KMT2E: variants seen among roughly 807,000 people sequenced by gnomAD.
KMT2E encodes histone reader KMT2E.
KMT2E carries 30 observed loss-of-function variants against 184.6 expected under a neutral mutation model. That is an observed-to-expected ratio of 0.16 (90% CI 0.12 to 0.22). The LOEUF is 0.22. Among genes scored for constraint, KMT2E ranks in the 10% least tolerant of loss-of-function variants. The probability of loss-of-function intolerance (pLI) is 1.00; values close to 1 mark genes in which losing one functional copy is unlikely to be tolerated. For synonymous variants in KMT2E, 815 were observed against 776.5 expected, an observed-to-expected ratio of 1.05 and a Z score of -0.82; for missense variants, 2,023 against 2,237.4, an observed-to-expected ratio of 0.90 and a Z score of 1.93.
At chr7:105,111,693 T>C in intron 26 of KMT2E, 132 bp from the exon 27 acceptor site, 1 of 1,064,366 alleles carries the variant, frequency 9.4e-7, no homozygotes. Context: ...CCTCCATAAT[T>C]GACGTATCCA....
At position 105,078,854 on chromosome 7, in the gene KMT2E, C is replaced by A; in HGVS notation, c.1139C>A (p.Pro380His). Residue 380 changes from proline to histidine, a missense_variant, in exon 12 of 27, where the codon CCT becomes CAT. By Grantham distance (77) the Pro-to-His change is moderately conservative. This residue lies in a region of KMT2E where 68 missense variants were observed against 133.1 expected (regional missense o/e 0.51). Transcript: ENST00000311117. ...ANGYFFKRPY[P>H]FVLFYSKFHG... ...TGTTTCTTTCTTTGTAGACCATACC[C>A]TTTTGTGTTATTCTACTCTAAATTT... 1 of 1,562,232 alleles carries A rather than the reference C, an allele frequency of 6.4e-7. No homozygotes were observed. Among genetic ancestry groups the A allele is most frequent in the Non-Finnish European group, 8.8e-7 (1 of 1,133,672 alleles).
intron 6 of KMT2E, among the ~76,000 whole-genome samples, chr7:105,071,606 ATATT>A (rs1307315865): frequency 5.1e-5 from 3 of 58,694 alleles, no homozygotes; most frequent in African/African-American, 7.7e-5. Flanking sequence ...ATATATATAT[ATATT>A]TTTTTTTTTT....
intron 3 of KMT2E, among the ~76,000 whole-genome samples, chr7:105,055,172 A>G (rs1184049141): frequency 1.4e-5 from 2 of 145,354 alleles, no homozygotes; most frequent in Non-Finnish European, 3.0e-5. Context: ...GAGAGAGACA[A>G]CCCATTAGTG....
chr7:105,068,781 C>G (rs1797160691), intron 6 of KMT2E, among the ~76,000 whole-genome samples: 1 of 151,814 alleles, frequency 6.6e-6, no homozygotes, highest in South Asian at 2.1e-4. Flanking sequence ...GGCCATGTCT[C>G]TATGTTAACT....
intron 5 of KMT2E, among the ~76,000 whole-genome samples, chr7:105,064,780 A>AACTT (rs61500056): frequency 0.59 from 89,981 of 151,500 alleles, 28,445 homozygotes; most frequent in East Asian, 0.92. Flanking sequence ...AACTAAAAAT[A>AACTT]CAGTGACACT....
chr7:105,108,969 C>A lies in KMT2E; in HGVS notation c.3496C>A (p.Gln1166Lys). 6.2e-7 allele frequency: 1 copy of A among 1,612,550 alleles called. No individual in the cohort carries two copies. Among genetic ancestry groups the A allele is most frequent in the Non-Finnish European group, 8.5e-7 (1 of 1,178,696 alleles). The change falls in exon 23 of 27, where the codon CAA becomes AAA. Residue 1166 changes from glutamine to lysine, a missense_variant. Physicochemically the swap from Gln to Lys is moderately conservative, Grantham distance 53 (BLOSUM62 1). Coordinates refer to ENST00000311117, the MANE Select transcript of KMT2E (RefSeq NM_182931.3). ...TTCTCTATTAGAATACCGTAAGAGACAACGTGAAGCTAGGAAAAGTGGCTC... is the reference window on the plus strand; with the variant it reads ...TTCTCTATTAGAATACCGTAAGAGAAAACGTGAAGCTAGGAAAAGTGGCTC... ...KVSLLEYRKR[Q>K]REARKSGSKT...
chr7:105,040,033 A>T (rs1262196224), intron 2 of KMT2E, among the ~76,000 whole-genome samples: 4 of 152,186 alleles, frequency 2.6e-5, no homozygotes, highest in African/African-American at 9.6e-5. Context: ...CTACTAATTG[A>T]GTTAGGGAAT....
intron 13 of KMT2E, among the ~76,000 whole-genome samples, chr7:105,085,967 C>T (rs568658841): frequency 1.1e-4 from 17 of 152,222 alleles, no homozygotes; most frequent in African/African-American, 3.4e-4. Flanking sequence ...CCACCACCAC[C>T]GGCCCTTTAA....
chr7:105,065,219 A>G (rs1400981531), intron 5 of KMT2E, among the ~76,000 whole-genome samples: 1 of 152,016 alleles, frequency 6.6e-6, no homozygotes, highest in African/African-American at 2.4e-5. Context: ...ACTTATACTC[A>G]TCTCTTTGAA....
chr7:105,069,911 C>T (rs1391525107), intron 6 of KMT2E, among the ~76,000 whole-genome samples: 1 of 152,106 alleles, frequency 6.6e-6, no homozygotes, highest in East Asian at 1.9e-4. Flanking sequence ...TGAAGTCATA[C>T]ATTTATGACT....
chr7:105,047,954 C>A (rs755149259), intron 3 of KMT2E, among the ~76,000 whole-genome samples: 5 of 152,188 alleles, frequency 3.3e-5, no homozygotes, highest in African/African-American at 4.8e-5. Context: ...TAGCACAAGA[C>A]AATAACTGCT....
chr7:105,087,135 ATT>A (rs1416778130), intron 13 of KMT2E, among the ~76,000 whole-genome samples: 1 of 147,298 alleles, frequency 6.8e-6, no homozygotes, highest in Non-Finnish European at 1.5e-5. Context: ...GCTAATGTAT[ATT>A]ATATATGCTA....
chr7:105,028,137 A>T (rs1471653759), intron 1 of KMT2E, among the ~76,000 whole-genome samples: 1 of 150,868 alleles, frequency 6.6e-6, no homozygotes. Flanking sequence ...TATTTTGCTC[A>T]TTTTTTCCTG....
intron 3 of KMT2E, among the ~76,000 whole-genome samples, chr7:105,048,832 T>A (rs1317873545): frequency 6.6e-6 from 1 of 152,216 alleles, no homozygotes; most frequent in African/African-American, 2.4e-5. Context: ...GCAGGCTGGA[T>A]TTGACCCAGG....
chr7:105,023,402 C>CAAAAAAAAAA lies in KMT2E; in HGVS notation c.-189+8878_-189+8887dup, dbSNP rs1158885663. The stretch of plus-strand genomic sequence containing the variant: ...GGGTGACAAGAGTGAGACTCTGTCT[C>CAAAAAAAAAA]AAAAAAAAAAAAAAAAAAAAGAGAG... On this transcript the variant is annotated intron_variant, in intron 1 of 26. Transcript: ENST00000311117. Among the ~76,000 whole-genome samples the CAAAAAAAAAA allele has an allele frequency of 1.9e-3, 106 of 55,772 alleles. 4 individuals are homozygous for CAAAAAAAAAA. The highest frequency in any genetic ancestry group is 6.3e-3 in the East Asian group (11 of 1,740). 36.6% of individuals were successfully genotyped at this position (55,772 alleles called of 152,430 possible). A position where few individuals can be genotyped will look rare whatever the true frequency, so the allele number is the denominator to read the frequency against.
In KMT2E at chr7:105,113,388, A is replaced by G. The variant is rs748245498; in HGVS notation, c.*55A>G. 9.2e-6 allele frequency: 14 copies of G among 1,523,622 alleles called. No homozygotes were observed. In the Admixed American group the frequency reaches 1.6e-4, roughly 17 times the overall value. 94.4% of individuals were successfully genotyped at this position (1,523,622 alleles called of 1,614,324 possible). A position where few individuals can be genotyped will look rare whatever the true frequency, so the allele number is the denominator to read the frequency against. On this transcript the variant is annotated 3_prime_UTR_variant, in exon 27 of 27. Transcript: ENST00000311117. ...TTCTGTAAGATAAACTGTATATTTC[A>G]TATGTACCTGTTAAGGTACTTTTTA...
At position 105,113,127 on chromosome 7, in the gene KMT2E, A is replaced by T; in HGVS notation, c.5371A>T (p.Thr1791Ser). 4.3e-6 allele frequency: 7 copies of T among 1,614,172 alleles called. No individual in the cohort carries two copies. Among genetic ancestry groups the T allele is most frequent in the Non-Finnish European group, 5.9e-6 (7 of 1,180,024 alleles). Residue 1791 changes from threonine to serine, a missense_variant, in exon 27 of 27, where the codon ACA becomes TCA. Around this residue, in one of 8 missense-constraint regions of KMT2E, gnomAD observed 1,108 missense variants for 1,050.9 expected, o/e 1.05. Transcript: ENST00000311117. ...AGGGCCACATTGTCCATTACCTGTCACAGGTCCTCATCTCCAGCCCCAAGG... is the reference window on the plus strand; with the variant it reads ...AGGGCCACATTGTCCATTACCTGTCTCAGGTCCTCATCTCCAGCCCCAAGG... ...GTGPHCPLPV[T>S]GPHLQPQGPN... is the part of the protein sequence containing the mutation.
chr7:105,062,403 T>G (rs1389142817), intron 4 of KMT2E, 125 bp downstream of exon 4: 1 of 549,256 alleles, frequency 1.8e-6, no homozygotes, highest in Non-Finnish European at 3.1e-6. Flanking sequence ...TCAAAATAAT[T>G]AGGCGTTTAA....
rs1799398595 is a variant in KMT2E at position 105,113,078 on chromosome 7, A to C, written c.5322A>C (p.Gly1774=). The change falls in exon 27 of 27, where the codon GGA becomes GGC. Residue 1774 remains glycine, a synonymous_variant. Coordinates refer to ENST00000311117, the MANE Select transcript of KMT2E (RefSeq NM_182931.3). ...QATHHTTLGP[G]PQHQPSGTGP... Reference sequence around the variant, plus strand: ...CACATCATACCACTTTGGGACCGGGACCCCAGCACCAGCCTTCTGGAACAG... The same window carrying C: ...CACATCATACCACTTTGGGACCGGGCCCCCAGCACCAGCCTTCTGGAACAG... 1 of 1,613,978 alleles carries C rather than the reference A, an allele frequency of 6.2e-7. No homozygotes were observed.
Sources: allele counts gnomAD v4.1 joint callset (sites outside exome capture counted in the v4.1 genomes callset), GRCh38; gene constraint gnomAD v4.1.1; regional missense constraint gnomAD v4.1.1; transcripts MANE v1.5; gene names NCBI Gene and HGNC (gene_info 2026-07-23, HGNC 2026-07-21).